Variants in MICAL2 observed in about 807,000 individuals in gnomAD.
The protein encoded by MICAL2 is microtubule associated monooxygenase, calponin and LIM domain containing 2.
A neutral mutation model predicts 127.3 loss-of-function variants in MICAL2; 77 were observed. The ratio of observed to expected loss-of-function variants is 0.60; its 90% CI spans 0.50 to 0.73. The LOEUF (loss-of-function observed/expected upper bound fraction) is 0.73, where lower values mean the gene tolerates loss of function less well. Among genes scored for constraint, MICAL2 ranks in the 30% least tolerant of loss-of-function variants. The pLI is 0.00. For missense variants in MICAL2, 1,351 were observed against 1,434.4 expected (o/e 0.94, Z 0.94); for synonymous variants, 570 against 551.1 (o/e 1.03, Z -0.48).
chr11:12,208,042 C>T lies in MICAL2; in HGVS notation c.492C>T (p.Leu164=). ...IDHISIRQLQ[L]ILFKVALMLG... Reference sequence around the variant, plus strand: ...TGACAGGTATTCGCCAACTACAGCTCATCCTATTCAAGGTGGCCCTGATGC... The same window carrying T: ...TGACAGGTATTCGCCAACTACAGCTTATCCTATTCAAGGTGGCCCTGATGC... The change falls in exon 5 of 28, where the codon CTC becomes CTT. Residue 164 remains leucine (L), a synonymous_variant. Coordinates refer to ENST00000683283, the MANE Select transcript of MICAL2 (RefSeq NM_001282663.2). The T allele has an allele frequency of 6.2e-7, 1 of 1,614,176 alleles. No homozygotes were observed. The highest frequency in any genetic ancestry group is 8.5e-7 in the Non-Finnish European group (1 of 1,179,996).
chr11:12,153,644 G>T (rs1404216415), intron 2 of MICAL2, among the ~76,000 whole-genome samples: 4 of 152,132 alleles, frequency 2.6e-5, no homozygotes, highest in African/African-American at 4.8e-5. Flanking sequence ...CACCATATTG[G>T]TCAGGCTGGT....
At chr11:12,313,000 A>T (rs1446661044) in intron 29 of MICAL2, among the ~76,000 whole-genome samples, 1 of 151,990 alleles carries the variant, frequency 6.6e-6, no homozygotes, top group Non-Finnish European at 1.5e-5. Flanking sequence ...CCCCGTCTCT[A>T]CTAAAAAAAA....
At chr11:12,198,254 T>C (rs1385510013) in intron 3 of MICAL2, among the ~76,000 whole-genome samples, 1 of 152,240 alleles carries the variant, frequency 6.6e-6, no homozygotes, top group Non-Finnish European at 1.5e-5. Context: ...TGATGATGAA[T>C]ATGCCTAATT....
At chr11:12,156,739 A>C (rs1854227054) in intron 2 of MICAL2, among the ~76,000 whole-genome samples, 1 of 152,174 alleles carries the variant, frequency 6.6e-6, no homozygotes, top group Non-Finnish European at 1.5e-5. Flanking sequence ...GTGGGGATGC[A>C]CCAGGTGTGG....
Position 12,216,250 on chromosome 11 carries a change from G to C in MICAL2, c.879G>C (p.Lys293Asn). 6.2e-7 allele frequency: 1 copy of C among 1,613,966 alleles called. No individual in the cohort carries two copies. The highest frequency in any genetic ancestry group is 8.5e-7 in the Non-Finnish European group (1 of 1,179,808). Residue 293 changes from lysine to asparagine, a missense_variant, in exon 8 of 28, where the codon AAG becomes AAC. Physicochemically the swap from Lys to Asn is moderately conservative, Grantham distance 94. Transcript: ENST00000683283. The stretch of plus-strand genomic sequence containing the variant: ...ATCTTGAGAACATTGTTTACTACAA[G>C]GACTGCACCCACTATTTTGTAATGA... ...GIDLENIVYY[K>N]DCTHYFVMTA...
At chr11:12,120,897 C>G (rs1180674899) in intron 1 of MICAL2, among the ~76,000 whole-genome samples, 1 of 152,208 alleles carries the variant, frequency 6.6e-6, no homozygotes, top group African/African-American at 2.4e-5. Flanking sequence ...GAGGTGCACA[C>G]TGCCAGACAG....
At position 12,216,448 on chromosome 11, in the gene MICAL2, C is replaced by T. The variant is rs115652246; in HGVS notation, c.948+129C>T. 6.8e-5 allele frequency: 47 copies of T among 689,516 alleles called. No homozygotes were observed. The East Asian group carries it at 1.2e-3, about 18-fold the overall frequency. The allele number at this position is 689,516 out of a possible 1,614,324, so 42.7% of individuals were successfully genotyped here. A position where few individuals can be genotyped will look rare whatever the true frequency, so the allele number is the denominator to read the frequency against. On this transcript the variant is annotated intron_variant, in intron 8 of 27. Coordinates refer to ENST00000683283, the MANE Select transcript of MICAL2 (RefSeq NM_001282663.2). ...GAGGGGGGAAGGTGCCACCAGCTTA[C>T]ACCCTTCTTTTTCTTGGTGTTACAT...
chr11:12,276,299 G>A (rs1050917890), intron 1 of MICAL2: 9 of 397,412 alleles, frequency 2.3e-5, no homozygotes, highest in Non-Finnish European at 4.0e-5. Flanking sequence ...CTGTAAAATG[G>A]CGACAATCAT....
Position 12,198,861 on chromosome 11 carries a change from C to T in MICAL2, c.265-5389C>T, listed in dbSNP as rs113986957. 9.5e-3 allele frequency among the ~76,000 whole-genome samples: 1,445 copies of T among 152,346 alleles called. 26 individuals are homozygous for T. Among genetic ancestry groups the T allele is most frequent in the African/African-American group, 0.033 (1,363 of 41,584 alleles). On this transcript the variant is annotated intron_variant, in intron 3 of 27. Transcript: ENST00000683283. Reference sequence around the variant, plus strand: ...GTCCAGCCTATGATTTCCCACCCTGCGGAAGCACATGAAGCTCAGGCTGGA... The same window carrying T: ...GTCCAGCCTATGATTTCCCACCCTGTGGAAGCACATGAAGCTCAGGCTGGA...
At chr11:12,304,596 T>C (rs192436634) in intron 29 of MICAL2, among the ~76,000 whole-genome samples, 65 of 151,066 alleles carry the variant, frequency 4.3e-4, no homozygotes, top group Non-Finnish European at 8.7e-4. Flanking sequence ...GATCGTGCCA[T>C]TGCACTCCAG....
intron 29 of MICAL2, among the ~76,000 whole-genome samples, chr11:12,297,773 C>T (rs1309795733): frequency 6.6e-6 from 1 of 151,988 alleles, no homozygotes; most frequent in Non-Finnish European, 1.5e-5. Flanking sequence ...AATAATCTCT[C>T]TTTCCCTCTC....
At chr11:12,319,439 G>A (rs1414611934) in intron 29 of MICAL2, among the ~76,000 whole-genome samples, 5 of 77,438 alleles carry the variant, frequency 6.5e-5, no homozygotes, top group Non-Finnish European at 9.7e-5. Flanking sequence ...ATAATACCTT[G>A]GTTTTTTCTT....
intron 15 of MICAL2, among the ~76,000 whole-genome samples, chr11:12,232,582 C>T (rs1025578259): frequency 6.6e-6 from 1 of 152,020 alleles, no homozygotes; most frequent in Non-Finnish European, 1.5e-5. Flanking sequence ...AATTAGCCTG[C>T]GTGGTGGTGC....
chr11:12,245,953 C>T (rs1299756948), intron 21 of MICAL2, among the ~76,000 whole-genome samples: 1 of 152,192 alleles, frequency 6.6e-6, no homozygotes, highest in Non-Finnish European at 1.5e-5. Context: ...CAGCCAGGCC[C>T]ACACCTTGCT....
chr11:12,351,430 A>G (rs1213472330), intron 33 of MICAL2, among the ~76,000 whole-genome samples: 1 of 152,274 alleles, frequency 6.6e-6, no homozygotes, highest in South Asian at 2.1e-4. Flanking sequence ...GAGGCCAAGG[A>G]TGCTACTAAA....
downstream of MICAL2, among the ~76,000 whole-genome samples, chr11:12,267,916 G>A (rs1039353722): frequency 6.6e-6 from 1 of 152,148 alleles, no homozygotes; most frequent in African/African-American, 2.4e-5. Context: ...TAGAATTTAT[G>A]TCTCACTGCT....
At chr11:12,188,165 G>T (rs1045260115) in intron 3 of MICAL2, among the ~76,000 whole-genome samples, 1 of 152,078 alleles carries the variant, frequency 6.6e-6, no homozygotes, top group Admixed American at 6.5e-5. Flanking sequence ...CATTTTAAAG[G>T]CTTAGTATAA....
intron 15 of MICAL2, among the ~76,000 whole-genome samples, chr11:12,235,076 T>C (rs906944836): frequency 2.6e-5 from 4 of 152,098 alleles, no homozygotes; most frequent in African/African-American, 9.7e-5. Context: ...AACTAGCCAT[T>C]TGGAGAAGGC....
intron 2 of MICAL2, among the ~76,000 whole-genome samples, chr11:12,148,650 T>G (rs981638571): frequency 7.9e-5 from 12 of 152,192 alleles, no homozygotes; most frequent in Non-Finnish European, 1.6e-4. Flanking sequence ...TGGTGGTTAT[T>G]GAGCACCCAC....
Sources: gnomAD v4.1 joint callset for allele counts (sites outside exome capture counted in the v4.1 genomes callset) on GRCh38, gnomAD v4.1.1 for gene constraint, MANE v1.5 for transcripts, NCBI Gene and HGNC (gene_info 2026-07-23, HGNC 2026-07-21) for gene names.